HS6ST3: variants seen among roughly 807,000 people sequenced by gnomAD.
HS6ST3 encodes the protein heparan-sulfate 6-O-sulfotransferase 3.
HS6ST3 carries 12 observed loss-of-function variants against 36.7 expected under a neutral mutation model. The observed-to-expected ratio is 0.33, with a 90% confidence interval of 0.21 to 0.53. The LOEUF (loss-of-function observed/expected upper bound fraction) is 0.53. Ranked by LOEUF, HS6ST3 falls within the 20% of genes least tolerant of loss-of-function variation. The pLI is 0.95. For synonymous variants in HS6ST3, 240 were observed against 257.5 expected (o/e 0.93, Z 0.65); for missense variants, 584 against 640.9 (o/e 0.91, Z 0.96).
At chr13:96,551,204 A>G (rs1170168222) in intron 1 of HS6ST3, among the ~76,000 whole-genome samples, 1 of 152,236 alleles carries the variant, frequency 6.6e-6, no homozygotes, top group African/African-American at 2.4e-5. Context: ...AATATAAGGA[A>G]GATTAATATT....
intron 1 of HS6ST3, among the ~76,000 whole-genome samples, chr13:96,803,519 G>A (rs1455763135): frequency 6.6e-6 from 1 of 152,162 alleles, no homozygotes; most frequent in African/African-American, 2.4e-5. Flanking sequence ...AGGGGCAGGT[G>A]AGAATGACTT....
At chr13:96,424,781 TG>T (rs2055578304) in intron 1 of HS6ST3, among the ~76,000 whole-genome samples, 1 of 152,172 alleles carries the variant, frequency 6.6e-6, no homozygotes, top group Non-Finnish European at 1.5e-5. Flanking sequence ...AATTAATGTA[TG>T]AATTTGGAGG....
intron 1 of HS6ST3, among the ~76,000 whole-genome samples, chr13:96,358,352 T>C (rs560553973): frequency 8.4e-4 from 128 of 152,332 alleles, no homozygotes; most frequent in Non-Finnish European, 1.6e-3. Context: ...ACCTTATCCA[T>C]GTGTTTCTTG....
At chr13:96,165,071 C>T (rs1594700779) in intron 1 of HS6ST3, among the ~76,000 whole-genome samples, 2 of 152,130 alleles carry the variant, frequency 1.3e-5, no homozygotes, top group African/African-American at 4.8e-5. Context: ...TATTTCATAC[C>T]TCTTATTAAC....
intron 1 of HS6ST3, among the ~76,000 whole-genome samples, chr13:96,407,467 A>G (rs2055484358): frequency 6.6e-6 from 1 of 152,228 alleles, no homozygotes; most frequent in Non-Finnish European, 1.5e-5. Context: ...TGTGGTGATT[A>G]AATGGGCAAG....
chr13:96,564,721 A>C (rs928031121), intron 1 of HS6ST3, among the ~76,000 whole-genome samples: 1 of 152,202 alleles, frequency 6.6e-6, no homozygotes, highest in Non-Finnish European at 1.5e-5. Flanking sequence ...CTCTAGTTTT[A>C]AACAAGATAT....
intron 1 of HS6ST3, among the ~76,000 whole-genome samples, chr13:96,152,559 C>A (rs537659455): frequency 2.0e-5 from 3 of 151,960 alleles, no homozygotes; most frequent in Admixed American, 6.6e-5. Flanking sequence ...GGATGGTCTC[C>A]ATCTCCTGAC....
chr13:96,439,334 A>AT (rs1360836408), intron 1 of HS6ST3, among the ~76,000 whole-genome samples: 1 of 152,214 alleles, frequency 6.6e-6, no homozygotes, highest in African/African-American at 2.4e-5. Context: ...TAAGATAGTA[A>AT]TTTTAGACTG....
At chr13:96,102,166 G>A (rs1397063135) in intron 1 of HS6ST3, among the ~76,000 whole-genome samples, 8 of 152,102 alleles carry the variant, frequency 5.3e-5, no homozygotes, top group Non-Finnish European at 8.8e-5. Context: ...TGGACTAATG[G>A]ATATTTCTAT....
At chr13:96,179,173 G>A (rs951087904) in intron 1 of HS6ST3, among the ~76,000 whole-genome samples, 27 of 152,302 alleles carry the variant, frequency 1.8e-4, no homozygotes, top group Admixed American at 6.5e-4. Flanking sequence ...AGAGTTGAGT[G>A]TGAGTGTGCC....
intron 1 of HS6ST3, among the ~76,000 whole-genome samples, chr13:96,334,845 T>C (rs2055092110): frequency 6.6e-6 from 1 of 152,206 alleles, no homozygotes; most frequent in African/African-American, 2.4e-5. Flanking sequence ...CGTTATCAAC[T>C]ACCCAGCCTC....
chr13:96,145,384 T>C lies in HS6ST3; in HGVS notation c.707+53815T>C, dbSNP rs1197599785. Among the ~76,000 whole-genome samples the C allele has an allele frequency of 5.3e-5, 8 of 151,572 alleles. No individual in the cohort carries two copies. The East Asian group carries it at 1.6e-3, about 29-fold the overall frequency. On this transcript the variant is annotated intron_variant, in intron 1 of 1. Transcript: ENST00000376705. Reference sequence around the variant, plus strand: ...GATGGTATCTCATTGTGGTTTTGATTTGCATTTCTCTGATGGCCAGTGATG... The same window carrying C: ...GATGGTATCTCATTGTGGTTTTGATCTGCATTTCTCTGATGGCCAGTGATG...
intron 1 of HS6ST3, among the ~76,000 whole-genome samples, chr13:96,570,667 G>A (rs1025800159): frequency 6.6e-6 from 1 of 152,208 alleles, no homozygotes; most frequent in Non-Finnish European, 1.5e-5. Context: ...ACCCAATGGG[G>A]GGCAAGATGT....
intron 1 of HS6ST3, among the ~76,000 whole-genome samples, chr13:96,599,276 T>C (rs2056412981): frequency 6.6e-6 from 1 of 152,082 alleles, no homozygotes; most frequent in Non-Finnish European, 1.5e-5. Flanking sequence ...CTGGGCTTTT[T>C]CTTGTTGGGA....
In HS6ST3 at chr13:96,179,088, A is replaced by C. The variant is rs575963223; in HGVS notation, c.707+87519A>C. Among the ~76,000 whole-genome samples the C allele has an allele frequency of 1.0e-3, 155 of 152,328 alleles. 2 individuals are homozygous for C. Among genetic ancestry groups the C allele is most frequent in the African/African-American group, 3.6e-3 (151 of 41,588 alleles). On this transcript the variant is annotated intron_variant, in intron 1 of 1. Transcript: ENST00000376705. ...TTTAGACTGGGAAATACCAGACTCC[A>C]CTAAGTAGTAAAATGCTGAAGTGGT... is the stretch of plus-strand genomic sequence containing the variant.
intron 1 of HS6ST3, among the ~76,000 whole-genome samples, chr13:96,199,128 G>GT (rs149031264): frequency 0.018 from 2,714 of 152,240 alleles, 44 homozygotes; most frequent in Non-Finnish European, 0.029. Flanking sequence ...GAAAAGACTG[G>GT]TCCCCATGAT....
At chr13:96,486,060 T>C (rs898764003) in intron 1 of HS6ST3, among the ~76,000 whole-genome samples, 9 of 130,852 alleles carry the variant, frequency 6.9e-5, no homozygotes, top group Non-Finnish European at 1.1e-4. Flanking sequence ...TTCCCCTTCC[T>C]GTGTCCATGT....
At chr13:96,524,819 G>A (rs2056107472) in intron 1 of HS6ST3, among the ~76,000 whole-genome samples, 1 of 152,214 alleles carries the variant, frequency 6.6e-6, no homozygotes, top group Non-Finnish European at 1.5e-5. Flanking sequence ...TCCCAGATGA[G>A]GCAACGCTCT....
At chr13:96,657,401 G>A (rs1170762155) in intron 1 of HS6ST3, among the ~76,000 whole-genome samples, 1 of 151,940 alleles carries the variant, frequency 6.6e-6, no homozygotes, top group Non-Finnish European at 1.5e-5. Context: ...CATACCTATG[G>A]TCCTAGCTAC....
Sources: allele counts gnomAD v4.1 joint callset (sites outside exome capture counted in the v4.1 genomes callset), GRCh38; gene constraint gnomAD v4.1.1; transcripts MANE v1.5; gene names NCBI Gene and HGNC (gene_info 2026-07-23, HGNC 2026-07-21).